The following LRP1B variants were observed in gnomAD, a reference collection of about 807,000 sequenced individuals.
LRP1B encodes low-density lipoprotein receptor-related protein 1B.
Under a neutral mutation model 556.6 loss-of-function variants are expected in LRP1B, and 217 were observed. That is an observed-to-expected ratio of 0.39 (90% CI 0.35 to 0.44). The LOEUF is 0.44. Ranked by LOEUF, LRP1B falls within the 20% of genes least tolerant of loss-of-function variation. The probability of loss-of-function intolerance (pLI) is 1.00; values close to 1 mark genes in which losing one functional copy is unlikely to be tolerated. For synonymous variants in LRP1B, 2,047 were observed against 1,865.8 expected (o/e 1.10, Z -2.50); for missense variants, 5,053 against 5,620.8 (o/e 0.90, Z 3.23).
chr2:141,032,826 C>CATACATACATATATATATATATATAT, intron 11 of LRP1B, among the ~76,000 whole-genome samples: 22 of 126,648 alleles, frequency 1.7e-4, no homozygotes, highest in South Asian at 5.4e-4. Flanking sequence ...TATATACATA[C>CATACATACATATATATATATATATAT]ATATATATAT....
intron 2 of LRP1B, among the ~76,000 whole-genome samples, chr2:141,531,145 T>C (rs879354806): frequency 3.3e-5 from 5 of 152,116 alleles, no homozygotes; most frequent in South Asian, 2.1e-4. Context: ...GATGTAGCTA[T>C]AGAATGCCGC....
intron 1 of LRP1B, among the ~76,000 whole-genome samples, chr2:142,037,739 G>T (rs746006019): frequency 6.6e-6 from 1 of 151,568 alleles, no homozygotes; most frequent in Non-Finnish European, 1.5e-5. Context: ...GAAAATGGTA[G>T]ACTAGAGGCT....
chr2:141,950,726 A>G (rs996417361), intron 1 of LRP1B, among the ~76,000 whole-genome samples: 6 of 152,028 alleles, frequency 3.9e-5, no homozygotes, highest in Non-Finnish European at 8.8e-5. Context: ...TTCTCTTTTC[A>G]TCATCTTTTT....
intron 1 of LRP1B, among the ~76,000 whole-genome samples, chr2:141,912,536 T>C (rs976477583): frequency 1.3e-5 from 2 of 152,012 alleles, no homozygotes; most frequent in East Asian, 1.9e-4. Context: ...GAAACATCAA[T>C]AGAAAAACTA....
intron 2 of LRP1B, among the ~76,000 whole-genome samples, chr2:141,713,732 T>C (rs1047801003): frequency 6.6e-6 from 1 of 152,332 alleles, no homozygotes; most frequent in African/African-American, 2.4e-5. Flanking sequence ...AATTAATATA[T>C]ATTTAAAATG....
At chr2:140,352,891 T>C (rs1391266732) in intron 76 of LRP1B, 62 bp downstream of exon 76, 1 of 1,490,930 alleles carries the variant, frequency 6.7e-7, no homozygotes, top group African/African-American at 1.4e-5. Flanking sequence ...TAAAACATTT[T>C]TCTCCATAAA....
chr2:140,305,093 G>A (rs1684009571), intron 83 of LRP1B, among the ~76,000 whole-genome samples: 1 of 152,162 alleles, frequency 6.6e-6, no homozygotes, highest in Admixed American at 6.5e-5. Flanking sequence ...GTAGTGTGAT[G>A]CCTCCAGCTT....
chr2:140,315,003 T>C lies in LRP1B; in HGVS notation c.12737A>G (p.Glu4246Gly). The change falls in exon 83 of 91, where the codon GAA (glutamate) becomes GGA (glycine). Residue 4246 changes from glutamate (E) to glycine (G), a missense_variant. Coordinates refer to ENST00000389484, the MANE Select transcript of LRP1B (RefSeq NM_018557.3). ...RCHCWPSYSG[E>G]RCEVNHCSNY... ...GCTACAGTGGTTGACTTCACATCTT[T>C]CTCCTGAATAACTGGGCCAACAGTG... The C allele has an allele frequency of 6.2e-7, 1 of 1,611,880 alleles. No homozygotes were observed. Among genetic ancestry groups the C allele is most frequent in the East Asian group, 2.2e-5 (1 of 44,740 alleles).
intron 2 of LRP1B, among the ~76,000 whole-genome samples, chr2:141,698,883 C>T (rs1691835005): frequency 6.6e-6 from 1 of 151,764 alleles, no homozygotes; most frequent in Non-Finnish European, 1.5e-5. Flanking sequence ...TGTGGCTGGG[C>T]TCAATATGTT....
At chr2:140,311,535 G>C (rs555968590) in intron 83 of LRP1B, among the ~76,000 whole-genome samples, 1 of 151,720 alleles carries the variant, frequency 6.6e-6, no homozygotes, top group African/African-American at 2.4e-5. Flanking sequence ...GTGGGAGGAG[G>C]GTAAAGGATA....
At chr2:140,401,911 G>A (rs1684519998) in intron 66 of LRP1B, among the ~76,000 whole-genome samples, 1 of 152,180 alleles carries the variant, frequency 6.6e-6, no homozygotes, top group African/African-American at 2.4e-5. Context: ...ATTATAATCA[G>A]AATTTGAGAA....
intron 32 of LRP1B, among the ~76,000 whole-genome samples, chr2:140,804,875 C>T (rs1690657380): frequency 6.6e-6 from 1 of 151,852 alleles, no homozygotes; most frequent in African/African-American, 2.4e-5. Flanking sequence ...ATCTGACAGC[C>T]TTGACTTTCC....
At chr2:141,531,710 G>T (rs554311120) in intron 2 of LRP1B, among the ~76,000 whole-genome samples, 9 of 152,210 alleles carry the variant, frequency 5.9e-5, no homozygotes, top group African/African-American at 2.2e-4. Context: ...ATTAGACAAT[G>T]TAAATGATTC....
chr2:141,470,885 G>A (rs1682436537), intron 3 of LRP1B, among the ~76,000 whole-genome samples: 2 of 152,192 alleles, frequency 1.3e-5, no homozygotes, highest in Non-Finnish European at 2.9e-5. Context: ...TAACAAGGTA[G>A]TATTTTAGTA....
chr2:140,489,110 A>T (rs1558917756), intron 57 of LRP1B, among the ~76,000 whole-genome samples: 1 of 152,080 alleles, frequency 6.6e-6, no homozygotes, highest in Non-Finnish European at 1.5e-5. Flanking sequence ...AGCAGCAAAT[A>T]AGAGAAGGTT....
intron 3 of LRP1B, among the ~76,000 whole-genome samples, chr2:141,463,093 A>T (rs1312550104): frequency 6.6e-6 from 1 of 152,194 alleles, no homozygotes; most frequent in Non-Finnish European, 1.5e-5. Flanking sequence ...CTGCATTAGT[A>T]AACTGTCACT....
chr2:141,881,440 C>A (rs10182288), intron 1 of LRP1B, among the ~76,000 whole-genome samples: 2 of 151,864 alleles, frequency 1.3e-5, no homozygotes, highest in South Asian at 2.1e-4. Context: ...TTATTCAGAA[C>A]CATGATGGTA....
At chr2:140,931,706 A>G (rs1406813123) in intron 20 of LRP1B, among the ~76,000 whole-genome samples, 1 of 152,176 alleles carries the variant, frequency 6.6e-6, no homozygotes, top group Non-Finnish European at 1.5e-5. Flanking sequence ...AAATCTACAT[A>G]AAACATTGAT....
chr2:141,728,807 G>A (rs927731181), intron 2 of LRP1B, among the ~76,000 whole-genome samples: 3 of 152,096 alleles, frequency 2.0e-5, no homozygotes, highest in African/African-American at 7.2e-5. Context: ...ATGCTGTGAC[G>A]AAAACAACAT....
Sources: allele counts gnomAD v4.1 joint callset (sites outside exome capture counted in the v4.1 genomes callset), GRCh38; gene constraint gnomAD v4.1.1; transcripts MANE v1.5; gene names NCBI Gene and HGNC (gene_info 2026-07-23, HGNC 2026-07-21).